Variants in LRRC4C observed in about 807,000 individuals in gnomAD.
LRRC4C encodes leucine-rich repeat-containing protein 4C.
A neutral mutation model predicts 33.6 loss-of-function variants in LRRC4C; 5 were observed. The observed-to-expected ratio is 0.15, with a 90% CI of 0.08 to 0.31. LRRC4C has a LOEUF of 0.31. LRRC4C is among the 10% of genes least tolerant of loss of function. The pLI, the probability that LRRC4C is intolerant of heterozygous loss-of-function variation, is 1.00. For synonymous variants in LRRC4C, 329 were observed against 302.0 expected (o/e 1.09, Z -0.93); for missense variants, 560 against 796.7 (o/e 0.70, Z 3.58).
chr11:41,209,017 G>A (rs368869478), intron 1 of LRRC4C, among the ~76,000 whole-genome samples: 10 of 150,462 alleles, frequency 6.6e-5, no homozygotes, highest in South Asian at 4.2e-4. Flanking sequence ...AAGAGCAAAC[G>A]AACAGACATA....
intron 1 of LRRC4C, among the ~76,000 whole-genome samples, chr11:41,448,487 G>A (rs1238516325): frequency 6.6e-6 from 1 of 151,700 alleles, no homozygotes; most frequent in Non-Finnish European, 1.5e-5. Context: ...TGTAGTTTTG[G>A]TAGAGATGGG....
chr11:40,888,964 T>C (rs1955580096), intron 2 of LRRC4C, among the ~76,000 whole-genome samples: 1 of 152,008 alleles, frequency 6.6e-6, no homozygotes, highest in Admixed American at 6.6e-5. Flanking sequence ...CCATTATTAA[T>C]AAAACTACCA....
intron 3 of LRRC4C, among the ~76,000 whole-genome samples, chr11:40,501,871 C>A (rs1192506147): frequency 6.6e-6 from 1 of 152,204 alleles, no homozygotes; most frequent in African/African-American, 2.4e-5. Flanking sequence ...AGGATTTTCT[C>A]TTCTATCCTA....
At chr11:41,127,480 T>C (rs527608650) in intron 1 of LRRC4C, among the ~76,000 whole-genome samples, 29 of 152,112 alleles carry the variant, frequency 1.9e-4, no homozygotes, top group African/African-American at 7.0e-4. Context: ...TTTTTCTTTG[T>C]TTTTGCTTTT....
chr11:40,641,043 T>TA (rs1199948641), intron 3 of LRRC4C, among the ~76,000 whole-genome samples: 13 of 147,828 alleles, frequency 8.8e-5, no homozygotes, highest in African/African-American at 3.0e-4. Flanking sequence ...AAAGTAAATT[T>TA]AAAAAAACCT....
Position 40,995,325 on chromosome 11 carries a change from G to T in LRRC4C, c.-495-61602C>A, listed in dbSNP as rs1371719605. ...TTATTCATATAAAAGTGCTTAAACA[G>T]GCTAGGGTACTCCTGCTGGGATATA... On this transcript the variant is annotated intron_variant, in intron 1 of 6. Transcript: ENST00000528697. Among the ~76,000 whole-genome samples, 2 of 152,008 alleles carry T rather than the reference G, an allele frequency of 1.3e-5. 1 individual carries two copies. Among genetic ancestry groups the T allele is most frequent in the African/African-American group, 4.8e-5 (2 of 41,410 alleles).
intron 2 of LRRC4C, among the ~76,000 whole-genome samples, chr11:40,752,305 G>A (rs1435153101): frequency 2.6e-5 from 4 of 151,926 alleles, no homozygotes; most frequent in African/African-American, 7.2e-5. Context: ...ACAGAGTAAA[G>A]AGATAACCTA....
chr11:40,727,765 A>G (rs920983545), intron 2 of LRRC4C, among the ~76,000 whole-genome samples: 1 of 152,124 alleles, frequency 6.6e-6, no homozygotes, highest in Admixed American at 6.5e-5. Flanking sequence ...GAAGACATAC[A>G]AGGCTGGGTG....
chr11:41,188,907 C>CA (rs1283238664), intron 1 of LRRC4C, among the ~76,000 whole-genome samples: 1 of 135,748 alleles, frequency 7.4e-6, no homozygotes, highest in African/African-American at 2.7e-5. Context: ...ACCTGCCCCC[C>CA]CCCCCAAAAA....
intron 2 of LRRC4C, among the ~76,000 whole-genome samples, chr11:40,798,332 G>T (rs970639239): frequency 5.9e-5 from 9 of 152,152 alleles, no homozygotes; most frequent in Non-Finnish European, 1.3e-4. Flanking sequence ...CACTCTGAAA[G>T]CAACATCACA....
intron 3 of LRRC4C, among the ~76,000 whole-genome samples, chr11:40,533,576 CTTTGCT>C (rs1956357374): frequency 2.0e-5 from 3 of 152,136 alleles, no homozygotes; most frequent in African/African-American, 7.2e-5. Flanking sequence ...GCCCTCCAGC[CTTTGCT>C]TCAGGAGGCA....
intron 1 of LRRC4C, among the ~76,000 whole-genome samples, chr11:41,320,917 T>A (rs772292321): frequency 5.3e-5 from 8 of 152,188 alleles, no homozygotes; most frequent in Non-Finnish European, 1.2e-4. Context: ...TGTTCCAGGC[T>A]ACTAAGCAAC....
chr11:40,749,420 T>G (rs1006356384), intron 2 of LRRC4C, among the ~76,000 whole-genome samples: 42 of 122,168 alleles, frequency 3.4e-4, no homozygotes, highest in African/African-American at 1.3e-3. Context: ...TTGAAACAAA[T>G]GAAGATGGAA....
At chr11:40,745,313 A>G (rs1246720393) in intron 2 of LRRC4C, among the ~76,000 whole-genome samples, 4 of 152,156 alleles carry the variant, frequency 2.6e-5, no homozygotes, top group Non-Finnish European at 5.9e-5. Context: ...CTTCTCCAAA[A>G]AAGGGGATTG....
chr11:40,270,776 A>G (rs1055975605), intron 4 of LRRC4C, among the ~76,000 whole-genome samples: 2 of 152,122 alleles, frequency 1.3e-5, no homozygotes, highest in Non-Finnish European at 2.9e-5. Context: ...AATTCACTAA[A>G]CAAAAACTTC....
intron 2 of LRRC4C, among the ~76,000 whole-genome samples, chr11:40,700,668 C>T (rs1945822718): frequency 6.6e-6 from 1 of 152,112 alleles, no homozygotes; most frequent in Non-Finnish European, 1.5e-5. Flanking sequence ...TTCAAGTGCA[C>T]TTTCTGGATT....
At chr11:40,437,673 T>G (rs1278510009) in intron 3 of LRRC4C, among the ~76,000 whole-genome samples, 1 of 151,940 alleles carries the variant, frequency 6.6e-6, no homozygotes, top group African/African-American at 2.4e-5. Context: ...GGATTACAGG[T>G]GTGAGCCACC....
chr11:40,544,205 A>T (rs1956831515), intron 3 of LRRC4C, among the ~76,000 whole-genome samples: 1 of 152,114 alleles, frequency 6.6e-6, no homozygotes, highest in Admixed American at 6.6e-5. Flanking sequence ...GGGCACCCAC[A>T]CTTATCCAGA....
At chr11:40,639,942 C>CA (rs563042017) in intron 3 of LRRC4C, among the ~76,000 whole-genome samples, 51 of 129,978 alleles carry the variant, frequency 3.9e-4, no homozygotes, top group Non-Finnish European at 7.3e-4. Flanking sequence ...TTTTTTTTTT[C>CA]AAAAGGTTCT....
Sources: gnomAD v4.1 joint callset for allele counts (sites outside exome capture counted in the v4.1 genomes callset) on GRCh38, gnomAD v4.1.1 for gene constraint, MANE v1.5 for transcripts, NCBI Gene and HGNC (gene_info 2026-07-23, HGNC 2026-07-21) for gene names.